The following AKAP14 variants were observed in gnomAD, a reference collection of about 807,000 sequenced individuals.
AKAP14 encodes A-kinase anchor protein 14.
In AKAP14, 4 loss-of-function variants were observed where a neutral mutation model predicts 17.0. The observed-to-expected ratio is 0.23, with a 90% confidence interval of 0.12 to 0.54. The LOEUF is 0.54. Among genes scored for constraint, AKAP14 ranks in the 20% least tolerant of loss-of-function variants. The pLI is 0.95. For synonymous variants in AKAP14, 42 were observed against 51.3 expected, an observed-to-expected ratio of 0.82 and a Z score of 0.77; for missense variants, 129 against 150.9, an observed-to-expected ratio of 0.85 and a Z score of 0.76.
chrX:119,899,057 C>T (rs1217253304), intron 2 of AKAP14, among the ~76,000 whole-genome samples: 1 of 105,673 alleles, frequency 9.5e-6, no homozygotes, highest in Non-Finnish European at 1.9e-5. Flanking sequence ...ATCCCAGCTA[C>T]TCGGGAGGCT....
chrX:119,911,655 T>C (rs2056627865), intron 4 of AKAP14, among the ~76,000 whole-genome samples: 1 of 110,751 alleles, frequency 9.0e-6, no homozygotes, highest in South Asian at 3.7e-4. Flanking sequence ...TAGTGCTAGC[T>C]ATAGCTTGAT....
intron 2 of AKAP14, among the ~76,000 whole-genome samples, chrX:119,900,368 C>T (rs1296704361): frequency 8.9e-6 from 1 of 112,308 alleles, no homozygotes; most frequent in African/African-American, 3.2e-5. Flanking sequence ...GCTGGGATTA[C>T]AGGCATGAGC....
intron 4 of AKAP14, among the ~76,000 whole-genome samples, chrX:119,911,777 C>A (rs1205052663): frequency 9.1e-6 from 1 of 110,001 alleles, no homozygotes; most frequent in Non-Finnish European, 1.9e-5. Flanking sequence ...TAGCTCACTG[C>A]AGTCTTAAAT....
At chrX:119,912,188 C>T (rs1194781523) in intron 4 of AKAP14, among the ~76,000 whole-genome samples, 1 of 111,802 alleles carries the variant, frequency 8.9e-6, no homozygotes, top group Non-Finnish European at 1.9e-5. Flanking sequence ...GCCTCAGCCT[C>T]CCAAAGTGCT....
chrX:119,902,736 G>A (rs2056573946), intron 2 of AKAP14, among the ~76,000 whole-genome samples: 1 of 111,080 alleles, frequency 9.0e-6, no homozygotes, highest in Non-Finnish European at 1.9e-5. Flanking sequence ...TTGTTGCCCA[G>A]GCTGGAGTGC....
chrX:119,915,786 T>G (rs12689334), intron 5 of AKAP14, among the ~76,000 whole-genome samples: 20,318 of 108,169 alleles, frequency 0.19, 1,716 homozygotes, highest in Middle Eastern at 0.29. Context: ...GATTACAGGC[T>G]TGAGCCACCG....
rs752020604 is a variant in AKAP14 at position 119,914,741 on chromosome X, G to A, written c.304G>A (p.Val102Ile). 2.5e-6 allele frequency: 3 copies of A among 1,211,151 alleles called. No individual in the cohort carries two copies. Among genetic ancestry groups the A allele is most frequent in the South Asian group, 3.5e-5 (2 of 56,948 alleles). ...KKCWAHGVEF[V>I]ERKDLIHSFL... ...ATGCTGGGCACATGGCGTAGAGTTT[G>A]TAGAGAGGAAAGACTTAATTCACAG... Residue 102 changes from valine (V) to isoleucine (I), a missense_variant, in exon 5 of 7, where the codon GTA (valine) becomes ATA (isoleucine). By Grantham distance (29) the Val-to-Ile change is conservative (BLOSUM62 3). Transcript: ENST00000371431.
chrX:119,912,227 G>T (rs770945772), intron 4 of AKAP14, among the ~76,000 whole-genome samples: 7 of 110,268 alleles, frequency 6.3e-5, no homozygotes, highest in Admixed American at 2.0e-4. Flanking sequence ...CACTAAGCTT[G>T]CGCCCGGCCC....
intron 2 of AKAP14, among the ~76,000 whole-genome samples, chrX:119,898,494 CAG>C (rs779833035): frequency 2.7e-5 from 3 of 111,395 alleles, no homozygotes; most frequent in Non-Finnish European, 3.8e-5. Context: ...AGAAAGGAAA[CAG>C]AGAGTTGCCC....
chrX:119,902,682 G>C (rs2056573376), intron 2 of AKAP14, among the ~76,000 whole-genome samples: 1 of 110,697 alleles, frequency 9.0e-6, no homozygotes, highest in African/African-American at 3.3e-5. Context: ...TCATTATGGT[G>C]TTTTTTTTGT....
intron 2 of AKAP14, 41 bp from the exon 3 acceptor site, chrX:119,903,173 T>A (rs1569469070): frequency 1.7e-6 from 2 of 1,151,775 alleles, no homozygotes; most frequent in African/African-American, 3.5e-5. Flanking sequence ...TTCACATGTG[T>A]GTACACACAC....
chrX:119,911,718 T>A (rs1416351407), intron 4 of AKAP14, among the ~76,000 whole-genome samples: 1 of 110,288 alleles, frequency 9.1e-6, no homozygotes, highest in African/African-American at 3.3e-5. Context: ...TGTTTTTTTT[T>A]TTTTCTGAGA....
intron 4 of AKAP14, among the ~76,000 whole-genome samples, chrX:119,912,597 T>C (rs1236896210): frequency 1.8e-5 from 2 of 108,263 alleles, no homozygotes; most frequent in African/African-American, 6.7e-5. Flanking sequence ...AATGGCATGA[T>C]CTTGGCTCAC....
At chrX:119,910,397 T>G (rs1423976633) in intron 4 of AKAP14, among the ~76,000 whole-genome samples, 1 of 111,696 alleles carries the variant, frequency 9.0e-6, no homozygotes, top group Non-Finnish European at 1.9e-5. Context: ...TCCTTCCTTC[T>G]GTGAACCTTC....
At position 119,903,385 on chromosome X, in the gene AKAP14, T is replaced by A. The variant is rs1346409955; in HGVS notation, c.162T>A (p.Ile54=). The A allele has an allele frequency of 1.7e-6, 2 of 1,211,757 alleles. No homozygotes were observed. Among genetic ancestry groups the A allele is most frequent in the Non-Finnish European group, 1.1e-6 (1 of 895,439 alleles). ...VEDVINYAVK[I]VEEERNPLKN... is the part of the protein sequence containing the mutation. Reference sequence around the variant, plus strand: ...ATGTCATCAATTATGCTGTTAAGATTGTGGAAGGTAGTGATCCTGTTTGTT... The same window carrying A: ...ATGTCATCAATTATGCTGTTAAGATAGTGGAAGGTAGTGATCCTGTTTGTT... Residue 54 remains isoleucine, a synonymous_variant, in exon 3 of 7, where the codon ATT becomes ATA. Transcript: ENST00000371431.
At chrX:119,898,283 G>A (rs996640823) in intron 2 of AKAP14, among the ~76,000 whole-genome samples, 7 of 111,965 alleles carry the variant, frequency 6.3e-5, no homozygotes, top group African/African-American at 1.6e-4. Flanking sequence ...CTGTGATTGC[G>A]CCACTGTACT....
chrX:119,917,284 C>A (rs1222495190), intron 5 of AKAP14, among the ~76,000 whole-genome samples: 1 of 109,249 alleles, frequency 9.2e-6, no homozygotes, highest in Non-Finnish European at 1.9e-5. Flanking sequence ...TCAAGACCAG[C>A]CTGGCTAACA....
intron 5 of AKAP14, among the ~76,000 whole-genome samples, chrX:119,915,084 T>A (rs1347467033): frequency 8.9e-6 from 1 of 112,020 alleles, no homozygotes; most frequent in African/African-American, 3.2e-5. Context: ...CATACTTTCC[T>A]GATTTTCCTC....
intron 4 of AKAP14, among the ~76,000 whole-genome samples, chrX:119,911,801 C>T (rs756214229): frequency 4.5e-5 from 5 of 110,237 alleles, no homozygotes; most frequent in Admixed American, 9.8e-5. Flanking sequence ...TGTGCTCAAA[C>T]GATCCTCCTG....
Sources: gnomAD v4.1 joint callset for allele counts (sites outside exome capture counted in the v4.1 genomes callset) on GRCh38, gnomAD v4.1.1 for gene constraint, MANE v1.5 for transcripts, NCBI Gene and HGNC (gene_info 2026-07-23, HGNC 2026-07-21) for gene names.